PRKAG3: variants seen among roughly 807,000 people sequenced by gnomAD.
PRKAG3 encodes the protein protein kinase AMP-activated non-catalytic subunit gamma 3, also known as 5'-AMP-activated protein kinase subunit gamma-3.
A neutral mutation model predicts 56.5 loss-of-function variants in PRKAG3; 39 were observed. The observed-to-expected ratio is 0.69, with a 90% CI of 0.53 to 0.90. The LOEUF (loss-of-function observed/expected upper bound fraction) is 0.90, where lower values mean the gene tolerates loss of function less well. PRKAG3 is among the 40% of genes least tolerant of loss of function. The probability of loss-of-function intolerance (pLI) is 0.00; values close to 1 mark genes in which losing one functional copy is unlikely to be tolerated. For synonymous variants in PRKAG3, 243 were observed against 250.1 expected (o/e 0.97, Z 0.27); for missense variants, 628 against 627.5 (o/e 1.00, Z -0.01).
rs1390119915 is a variant in PRKAG3, at chr2:218,828,196, G to T, written c.716-134C>A. Reference sequence around the variant, plus strand: ...GGGGACTGTGGGAACAGGACAGTGGGGCAGCCCCCCAGGCCTGAGAAGTGG... The same window carrying T: ...GGGGACTGTGGGAACAGGACAGTGGTGCAGCCCCCCAGGCCTGAGAAGTGG... On this transcript the variant is annotated intron_variant, in intron 5 of 12. Coordinates refer to ENST00000529249, the Ensembl canonical transcript of PRKAG3. The T allele has an allele frequency of 9.9e-6, 9 of 910,834 alleles. No homozygotes were observed. In the Admixed American group the frequency reaches 2.1e-4, roughly 22 times the overall value. 56.4% of individuals were successfully genotyped at this position (910,834 alleles called of 1,614,324 possible).
At chr2:218,829,211 T>A (rs1191659334) in intron 4 of PRKAG3, among the ~76,000 whole-genome samples, 2 of 152,118 alleles carry the variant, frequency 1.3e-5, no homozygotes, top group African/African-American at 2.4e-5. Context: ...ATGATAAGAA[T>A]AAGATTATAG....
chr2:218,828,609 C>T lies in PRKAG3; in HGVS notation c.634-9G>A. On this transcript the variant is annotated splice_polypyrimidine_tract_variant and intron_variant, in intron 4 of 12. Coordinates refer to ENST00000529249, the Ensembl canonical transcript of PRKAG3. ...AAGAAGGCCTTCTTGATCTGAGGGG[C>T]CAGGGAGAACAGTCAAGGGTGGGTC... 2 of 1,611,394 alleles carry T rather than the reference C, an allele frequency of 1.2e-6. No individual in the cohort carries two copies. The highest frequency in any genetic ancestry group is 2.2e-5 in the South Asian group (2 of 90,588).
intron 2 of PRKAG3, 45 bp downstream of exon 2, chr2:218,831,291 G>A (rs650898): frequency 0.92 from 1,335,117 of 1,455,936 alleles, 612,819 homozygotes; most frequent in East Asian, 1. Context: ...GGGACAAGGA[G>A]GTGGGGGAAG....
exon 4 of PRKAG3, chr2:218,830,071 G>C: frequency 1.9e-6 from 3 of 1,613,560 alleles, no homozygotes; most frequent in Non-Finnish European, 2.5e-6. Context: ...AGATCTGGGC[G>C]CCGGGTTTCC....
chr2:218,827,737 C>T lies in PRKAG3; in HGVS notation c.820+96G>A. Reference sequence around the variant, plus strand: ...CACCCGAGGCTCCTATTGTCCCTCCCCTGTTCACTCCAGGACATCCCCACT... The same window carrying T: ...CACCCGAGGCTCCTATTGTCCCTCCTCTGTTCACTCCAGGACATCCCCACT... On this transcript the variant is annotated intron_variant, in intron 7 of 12. Transcript: ENST00000529249. This position sits in a 1 kb window ranked among gnomAD's most constrained non-coding sequence, Gnocchi z 5.3. 3 of 1,559,270 alleles carry T rather than the reference C, an allele frequency of 1.9e-6. No homozygotes were observed. Among genetic ancestry groups the T allele is most frequent in the Non-Finnish European group, 1.8e-6 (2 of 1,130,574 alleles).
chr2:218,829,673 C>A (rs372806600), intron 4 of PRKAG3, among the ~76,000 whole-genome samples: 4 of 152,060 alleles, frequency 2.6e-5, no homozygotes, highest in Non-Finnish European at 5.9e-5. Context: ...ACTGGGTAGT[C>A]CAAGAATCCT....
chr2:218,825,044 T>C (rs2105985981), intron 10 of PRKAG3, among the ~76,000 whole-genome samples: 1 of 152,278 alleles, frequency 6.6e-6, no homozygotes, highest in South Asian at 2.1e-4. Context: ...AACCATGGAC[T>C]TCAATTGGAT....
rs375464192 is a variant in PRKAG3 at position 218,830,277 on chromosome 2, T to C, written c.334A>G (p.Thr112Ala). ...TCAGAGGGGAGGCAGTCCCACCCTG[T>C]TGGTGGAGTGCCCACCCCGGCAGGA... The change falls in exon 4 of 13, where the codon ACA becomes GCA. Residue 112 changes from threonine (T) to alanine (A), a missense_variant. Physicochemically the swap from Thr to Ala is moderately conservative, Grantham distance 58. Transcript: ENST00000529249. 3.1e-6 allele frequency: 5 copies of C among 1,613,520 alleles called. No individual in the cohort carries two copies. The African/African-American group carries it at 5.3e-5, about 17-fold the overall frequency.
chr2:218,828,637 G>T, intron 4 of PRKAG3, 37 bp from the exon 5 acceptor site: 4 of 1,567,690 alleles, frequency 2.6e-6, no homozygotes, highest in Non-Finnish European at 3.5e-6. Context: ...GGTGGGTCCC[G>T]AGAGACCCTC....
chr2:218,830,214 C>A (rs377124178), exon 4 of PRKAG3: 1 of 1,614,088 alleles, frequency 6.2e-7, no homozygotes, highest in Non-Finnish European at 8.5e-7. Flanking sequence ...GCCAGCTCCA[C>A]ATCATCTGTG....
chr2:218,827,568 C>T lies in PRKAG3; in HGVS notation c.875+7G>A, dbSNP rs1342352003. ...GGAGGCTCAGGTGAATGAGCAGAGACACCCACCTATCATTAGGAGAGATGG... is the reference window on the plus strand; with the variant it reads ...GGAGGCTCAGGTGAATGAGCAGAGATACCCACCTATCATTAGGAGAGATGG... On this transcript the variant is annotated splice_region_variant and intron_variant, in intron 8 of 12. Coordinates refer to ENST00000529249, the Ensembl canonical transcript of PRKAG3. This position sits in a 1 kb window ranked among gnomAD's most constrained non-coding sequence, Gnocchi z 5.3. 2.5e-6 allele frequency: 4 copies of T among 1,613,404 alleles called. No individual in the cohort carries two copies. Among genetic ancestry groups the T allele is most frequent in the South Asian group, 1.1e-5 (1 of 91,054 alleles).
chr2:218,828,666 C>A, intron 4 of PRKAG3, 66 bp from the exon 5 acceptor site: 1 of 1,373,916 alleles, frequency 7.3e-7, no homozygotes, highest in Non-Finnish European at 1.0e-6. Context: ...CTCTGCCCCT[C>A]AGTGCGCACC....
intron 3 of PRKAG3, 105 bp downstream of exon 3, chr2:218,830,641 C>T: frequency 7.1e-7 from 1 of 1,400,422 alleles, no homozygotes; most frequent in South Asian, 1.4e-5. Context: ...AGGTTGGGTC[C>T]AACTCTGTGT....
chr2:218,829,739 G>C (rs528481503), intron 4 of PRKAG3, among the ~76,000 whole-genome samples: 1 of 152,172 alleles, frequency 6.6e-6, no homozygotes, highest in Non-Finnish European at 1.5e-5. Flanking sequence ...GACAAGAAAG[G>C]TAATGTAACT....
At chr2:218,831,662 A>G in intron 1 of PRKAG3, 76 bp downstream of exon 1, 1 of 1,544,710 alleles carries the variant, frequency 6.5e-7, no homozygotes, top group Non-Finnish European at 8.8e-7. Context: ...ACACGCCCAC[A>G]CACACATTCA....
Position 218,824,595 on chromosome 2 carries a change from G to T in PRKAG3, c.1169-19C>A, listed in dbSNP as rs1230387476. The T allele has an allele frequency of 2.5e-6, 4 of 1,605,062 alleles. No individual in the cohort carries two copies. Among genetic ancestry groups the T allele is most frequent in the East Asian group, 4.5e-5 (2 of 44,854 alleles). The stretch of plus-strand genomic sequence containing the variant: ...ACCTGACCTGCAGAGGGTGGTTGTG[G>T]GGGGTGGGGGGAGAAAGACAGGGAA... On this transcript the variant is annotated intron_variant, in intron 10 of 12. Transcript: ENST00000529249.
rs1477077239 is a variant in PRKAG3 at position 218,823,705 on chromosome 2, T to G, written c.*57A>C. ...GGAAGATGAAGGCTGAGTTCTCCAGTTCCCTTCATTGGCTTCCAGGTGTGC... is the reference window on the plus strand; with the variant it reads ...GGAAGATGAAGGCTGAGTTCTCCAGGTCCCTTCATTGGCTTCCAGGTGTGC... On this transcript the variant is annotated 3_prime_UTR_variant, in exon 13 of 13. Coordinates refer to ENST00000529249, the Ensembl canonical transcript of PRKAG3. 29 of 1,610,790 alleles carry G rather than the reference T, an allele frequency of 1.8e-5. 1 individual carries two copies. Among genetic ancestry groups the G allele is most frequent in the Admixed American group, 3.3e-5 (2 of 59,964 alleles).
At chr2:218,830,528 C>G in intron 3 of PRKAG3, 147 bp from the exon 4 acceptor site, 1 of 1,214,580 alleles carries the variant, frequency 8.2e-7, no homozygotes, top group Non-Finnish European at 1.1e-6. Context: ...GAGAGTCGCC[C>G]CAGGTAGTGG....
chr2:218,830,375 C>T (rs760463676), exon 4 of PRKAG3: 9 of 1,606,930 alleles, frequency 5.6e-6, no homozygotes, highest in South Asian at 5.5e-5. Flanking sequence ...TGGCCTGGAC[C>T]GGGGACCTGT....
Sources: gnomAD v4.1 joint callset for allele counts (sites outside exome capture counted in the v4.1 genomes callset) on GRCh38, gnomAD v4.1.1 for gene constraint, Gnocchi (gnomAD v3.1) non-coding constraint, MANE v1.5 for transcripts, NCBI Gene and HGNC (gene_info 2026-07-23, HGNC 2026-07-21) for gene names.